EGFLAM: variants seen among roughly 807,000 people sequenced by gnomAD.
EGFLAM encodes EGF like, fibronectin type III and laminin G domains.
EGFLAM carries 79 observed loss-of-function variants against 113.1 expected under a neutral mutation model. The observed-to-expected ratio is 0.70, with a 90% CI of 0.58 to 0.84. EGFLAM has a LOEUF of 0.84. Ranked by LOEUF, EGFLAM falls within the 40% of genes least tolerant of loss-of-function variation. EGFLAM has a pLI of 0.00. For synonymous variants in EGFLAM, 504 were observed against 487.6 expected, an observed-to-expected ratio of 1.03 and a Z score of -0.44; for missense variants, 1,265 against 1,291.6, an observed-to-expected ratio of 0.98 and a Z score of 0.32.
rs115581907 is a variant in EGFLAM, at chr5:38,306,685, C to T, written c.98-30835C>T. On this transcript the variant is annotated intron_variant, in intron 1 of 21. Coordinates refer to ENST00000322350, the MANE Select transcript of EGFLAM (RefSeq NM_152403.4). ...CTTTGTCTATTACATTAGTGATTCC[C>T]CAATGTATGATGCCTCCTGTGGGTA... 4.8e-3 allele frequency among the ~76,000 whole-genome samples: 727 copies of T among 152,210 alleles called. 8 individuals carry two copies. The highest frequency in any genetic ancestry group is 0.017 in the African/African-American group (697 of 41,516).
intron 18 of EGFLAM, among the ~76,000 whole-genome samples, chr5:38,450,284 A>T (rs1048467148): frequency 1.6e-4 from 24 of 152,244 alleles, no homozygotes; most frequent in African/African-American, 5.5e-4. Context: ...TCAGTGCTAG[A>T]TTGTGCTGAA....
Position 38,418,258 on chromosome 5 carries a change from A to G in EGFLAM, c.1684+3A>G. 1 of 1,612,760 alleles carries G rather than the reference A, an allele frequency of 6.2e-7. No individual in the cohort carries two copies. The highest frequency in any genetic ancestry group is 8.5e-7 in the Non-Finnish European group (1 of 1,179,444). ...AGCACTCAGTGGGGCTGATGTGGGT[A>G]AGTGGCTGCCTGGTGGGTTGGGGTA... On this transcript the variant is annotated splice_donor_region_variant and intron_variant, in intron 12 of 21. Transcript: ENST00000322350.
chr5:38,258,717 C>T lies in EGFLAM; in HGVS notation c.-38C>T. On this transcript the variant is annotated 5_prime_UTR_variant, in exon 1 of 22. Transcript: ENST00000322350. Reference sequence around the variant, plus strand: ...CCGGAGACGCCCTTTCCGTGTGCGCCCGGGACTTGGTGAAACTTTGCAGGC... The same window carrying T: ...CCGGAGACGCCCTTTCCGTGTGCGCTCGGGACTTGGTGAAACTTTGCAGGC... The T allele has an allele frequency of 1.3e-6, 2 of 1,581,280 alleles. No homozygotes were observed. Among genetic ancestry groups the T allele is most frequent in the Non-Finnish European group, 1.7e-6 (2 of 1,161,980 alleles).
intron 6 of EGFLAM, among the ~76,000 whole-genome samples, chr5:38,390,059 T>G (rs1740770480): frequency 6.6e-6 from 1 of 152,144 alleles, no homozygotes; most frequent in East Asian, 1.9e-4. Flanking sequence ...GCCACATTTT[T>G]TTCAGTGGTA....
At chr5:38,454,178 G>C (rs1297696427) in intron 19 of EGFLAM, among the ~76,000 whole-genome samples, 3 of 152,184 alleles carry the variant, frequency 2.0e-5, no homozygotes, top group Non-Finnish European at 4.4e-5. Context: ...GCTGATGTAG[G>C]GAAGCGTACC....
At chr5:38,298,710 T>G (rs1758504323) in intron 1 of EGFLAM, among the ~76,000 whole-genome samples, 1 of 152,212 alleles carries the variant, frequency 6.6e-6, no homozygotes, top group Non-Finnish European at 1.5e-5. Context: ...CTTTTTTATT[T>G]TTTTTCTTGA....
At chr5:38,411,374 G>A (rs564500630) in intron 10 of EGFLAM, among the ~76,000 whole-genome samples, 1 of 152,054 alleles carries the variant, frequency 6.6e-6, no homozygotes, top group Non-Finnish European at 1.5e-5. Flanking sequence ...GTTGCAGTGA[G>A]CAGAGATCAC....
chr5:38,283,048 T>A (rs939981782), intron 1 of EGFLAM, among the ~76,000 whole-genome samples: 4 of 152,026 alleles, frequency 2.6e-5, no homozygotes, highest in Admixed American at 2.0e-4. Flanking sequence ...AGAGACGAGG[T>A]CTCATTGTAT....
At position 38,258,744 on chromosome 5, in the gene EGFLAM, C is replaced by T. The variant is rs1757416072; in HGVS notation, c.-11C>T. On this transcript the variant is annotated 5_prime_UTR_variant, in exon 1 of 22. Coordinates refer to ENST00000322350, the MANE Select transcript of EGFLAM (RefSeq NM_152403.4). ...GGGACTTGGTGAAACTTTGCAGGCG[C>T]CGGCTGCGAAATGGATTTAATCCGA... 6.2e-7 allele frequency: 1 copy of T among 1,604,510 alleles called. No individual in the cohort carries two copies.
At chr5:38,399,725 A>G (rs1027948518) in intron 6 of EGFLAM, 8 of 152,314 alleles carry the variant, frequency 5.3e-5, no homozygotes, top group Admixed American at 2.0e-4. Flanking sequence ...CTCTATTCTC[A>G]TGACTGGAAC....
chr5:38,379,648 A>C (rs575397869), intron 6 of EGFLAM, among the ~76,000 whole-genome samples: 203 of 148,214 alleles, frequency 1.4e-3, no homozygotes, highest in African/African-American at 5.2e-3. Context: ...TGAAGCAATC[A>C]GCCACAGCAA....
intron 5 of EGFLAM, among the ~76,000 whole-genome samples, chr5:38,364,185 A>C (rs1042850089): frequency 2.7e-4 from 41 of 152,306 alleles, no homozygotes; most frequent in African/African-American, 9.6e-4. Flanking sequence ...AACATGCAAG[A>C]GATTTAGGGA....
chr5:38,370,380 C>T lies in EGFLAM; in HGVS notation c.630C>T (p.Thr210=), dbSNP rs777095091. The part of the protein sequence containing the change: ...SMVIKGLDPD[T]NYQFAVRAMN... ...TTATCAAGGGCCTCGATCCAGATAC[C>T]AACTACCAGTTTGCCGTGAGGGCAA... The change falls in exon 6 of 22, where the codon ACC becomes ACT. Residue 210 remains threonine (T), a synonymous_variant. Transcript: ENST00000322350. 8.1e-6 allele frequency: 13 copies of T among 1,614,074 alleles called. No homozygotes were observed. The highest frequency in any genetic ancestry group is 1.0e-5 in the Non-Finnish European group (12 of 1,180,024).
intron 6 of EGFLAM, among the ~76,000 whole-genome samples, chr5:38,374,240 A>C (rs1322396771): frequency 1.3e-5 from 2 of 152,150 alleles, no homozygotes; most frequent in Non-Finnish European, 2.9e-5. Flanking sequence ...GACAGAGCCT[A>C]TTTATCAAGA....
At chr5:38,374,511 T>C (rs1440889865) in intron 6 of EGFLAM, among the ~76,000 whole-genome samples, 1 of 152,144 alleles carries the variant, frequency 6.6e-6, no homozygotes, top group Non-Finnish European at 1.5e-5. Context: ...ATTACCGGTC[T>C]GGGTGGTGTC....
chr5:38,306,575 G>A (rs1292615595), intron 1 of EGFLAM, among the ~76,000 whole-genome samples: 1 of 152,180 alleles, frequency 6.6e-6, no homozygotes, highest in African/African-American at 2.4e-5. Context: ...TTGCTTTCAT[G>A]TAACCCTAAT....
chr5:38,450,529 G>A (rs1048981779), intron 18 of EGFLAM, among the ~76,000 whole-genome samples: 1 of 152,226 alleles, frequency 6.6e-6, no homozygotes, highest in East Asian at 1.9e-4. Flanking sequence ...TATGCTAGTA[G>A]CAATGTTAAA....
At chr5:38,443,041 G>A (rs565944861) in intron 17 of EGFLAM, among the ~76,000 whole-genome samples, 56 of 152,264 alleles carry the variant, frequency 3.7e-4, no homozygotes, top group African/African-American at 9.6e-4. Context: ...TGAGGCGGGC[G>A]GATGACCTCA....
At chr5:38,389,333 C>G (rs1033343528) in intron 6 of EGFLAM, among the ~76,000 whole-genome samples, 1 of 152,170 alleles carries the variant, frequency 6.6e-6, no homozygotes, top group Non-Finnish European at 1.5e-5. Flanking sequence ...TAAACCACAG[C>G]TCAACGTGAT....
Sources: allele counts gnomAD v4.1 joint callset (sites outside exome capture counted in the v4.1 genomes callset), GRCh38; gene constraint gnomAD v4.1.1; transcripts MANE v1.5; gene names NCBI Gene and HGNC (gene_info 2026-07-23, HGNC 2026-07-21).